Variants in BRI3BP observed in about 807,000 individuals in gnomAD.
BRI3BP encodes BRI3-binding protein.
BRI3BP carries 7 observed loss-of-function variants against 15.8 expected under a neutral mutation model. The observed-to-expected ratio is 0.44, with a 90% CI of 0.25 to 0.83. The LOEUF (loss-of-function observed/expected upper bound fraction) is 0.83. Ranked by LOEUF, BRI3BP falls within the 40% of genes least tolerant of loss-of-function variation. BRI3BP has a pLI of 0.20. For synonymous variants in BRI3BP, 192 were observed against 163.5 expected (o/e 1.17, Z -1.33); for missense variants, 320 against 339.3 (o/e 0.94, Z 0.45).
chr12:125,007,811 A>G lies in BRI3BP; in HGVS notation c.214-4723A>G, dbSNP rs370361556. Among the ~76,000 whole-genome samples the G allele has an allele frequency of 1.2e-4, 18 of 151,908 alleles. 1 individual carries two copies. The highest frequency in any genetic ancestry group is 4.3e-4 in the African/African-American group (18 of 41,430). ...TTTCTCGATGTTGCTGGATATGTCCATCGTTGTTTTTGTTGCTGTGGAATT... is the reference window on the plus strand; with the variant it reads ...TTTCTCGATGTTGCTGGATATGTCCGTCGTTGTTTTTGTTGCTGTGGAATT... On this transcript the variant is annotated intron_variant, in intron 1 of 2. Transcript: ENST00000341446.
At chr12:125,021,658 T>C (rs930350531) in intron 2 of BRI3BP, among the ~76,000 whole-genome samples, 2 of 152,178 alleles carry the variant, frequency 1.3e-5, no homozygotes, top group Non-Finnish European at 2.9e-5. Flanking sequence ...CTTGTAATCA[T>C]GGCGGAAGGC....
intron 2 of BRI3BP, among the ~76,000 whole-genome samples, chr12:125,018,381 G>GCC (rs1205752187): frequency 6.6e-6 from 1 of 152,176 alleles, no homozygotes; most frequent in Non-Finnish European, 1.5e-5. Flanking sequence ...GGTGTCATTT[G>GCC]TTAAGATGAG....
chr12:125,008,299 C>CTTTTT (rs55697100), intron 1 of BRI3BP, among the ~76,000 whole-genome samples: 5 of 99,926 alleles, frequency 5.0e-5, no homozygotes, highest in Non-Finnish European at 7.4e-5. Context: ...CCTCTTCTTT[C>CTTTTT]TTTTTTTTTT....
the BRI3BP span, among the ~76,000 whole-genome samples, chr12:125,041,525 C>A: frequency 1.3e-5 from 2 of 152,038 alleles, no homozygotes; most frequent in South Asian, 2.1e-4. Context: ...TGAAACCCTG[C>A]TGGCAAAGGC....
downstream of BRI3BP, among the ~76,000 whole-genome samples, chr12:125,035,860 T>G (rs1955437045): frequency 6.6e-6 from 1 of 152,068 alleles, no homozygotes; most frequent in Non-Finnish European, 1.5e-5. Context: ...TTGTGGAAAT[T>G]TTATGAATTA....
chr12:125,019,926 T>C (rs1028511386), intron 2 of BRI3BP, among the ~76,000 whole-genome samples: 7 of 151,034 alleles, frequency 4.6e-5, no homozygotes, highest in Admixed American at 3.3e-4. Context: ...CAAAATTCCA[T>C]AGACTGTGTG....
At chr12:125,006,696 C>T (rs1187563730) in intron 1 of BRI3BP, among the ~76,000 whole-genome samples, 2 of 152,214 alleles carry the variant, frequency 1.3e-5, no homozygotes, top group Admixed American at 6.5e-5. Flanking sequence ...ACAGGTTCTG[C>T]TCTTGAATCC....
rs1594539818 is a variant in BRI3BP at position 125,026,041 on chromosome 12, T to C, written c.*611T>C. ...GCTGCAGGATGCAACTCAACCTCTT[T>C]TGGATCCTAGAGACCCCTGCCAAGC... On this transcript the variant is annotated 3_prime_UTR_variant, in exon 3 of 3. Coordinates refer to ENST00000341446, the MANE Select transcript of BRI3BP (RefSeq NM_080626.6). 1 of 152,214 alleles carries C rather than the reference T, an allele frequency of 6.6e-6. No homozygotes were observed. Among genetic ancestry groups the C allele is most frequent in the South Asian group, 2.1e-4 (1 of 4,828 alleles). The allele number at this position is 152,214 out of a possible 1,614,324, so 9.4% of individuals were successfully genotyped here.
chr12:125,000,982 A>G (rs11057967), intron 1 of BRI3BP, among the ~76,000 whole-genome samples: 9,180 of 152,264 alleles, frequency 0.06, 412 homozygotes, highest in Admixed American at 0.14. Flanking sequence ...TCATGCATTT[A>G]GTGTTCATGT....
At chr12:124,997,245 T>G (rs1000973031) in intron 1 of BRI3BP, among the ~76,000 whole-genome samples, 1 of 118,926 alleles carries the variant, frequency 8.4e-6, no homozygotes, top group African/African-American at 3.4e-5. Flanking sequence ...AGATGCAGTC[T>G]CGCTTCTTCT....
chr12:125,002,930 G>A (rs1254418877), intron 1 of BRI3BP, among the ~76,000 whole-genome samples: 4 of 152,220 alleles, frequency 2.6e-5, no homozygotes, highest in Non-Finnish European at 5.9e-5. Flanking sequence ...TCGCATTCTC[G>A]TTGGTTGACG....
At chr12:125,004,304 G>A (rs1442124561) in intron 1 of BRI3BP, among the ~76,000 whole-genome samples, 2 of 152,062 alleles carry the variant, frequency 1.3e-5, no homozygotes, top group South Asian at 2.1e-4. Context: ...CGAGTAGCTG[G>A]AACCACAGGT....
At chr12:125,000,576 T>C (rs1955082321) in intron 1 of BRI3BP, among the ~76,000 whole-genome samples, 1 of 151,998 alleles carries the variant, frequency 6.6e-6, no homozygotes, top group East Asian at 1.9e-4. Context: ...CCTCCCAAAG[T>C]GCTGGGATTA....
In BRI3BP at chr12:125,027,635, A is replaced by C. The variant is rs1359152681; in HGVS notation, c.*2205A>C. On this transcript the variant is annotated 3_prime_UTR_variant, in exon 3 of 3. Transcript: ENST00000341446. ...CAGTCAGCTGAGATCATACCACCAC[A>C]CTCTAGCCTCAGCAACAGAGTGAGA... 1 of 151,738 alleles carries C rather than the reference A, an allele frequency of 6.6e-6. No homozygotes were observed. Among genetic ancestry groups the C allele is most frequent in the East Asian group, 1.9e-4 (1 of 5,142 alleles). 9.4% of individuals were successfully genotyped at this position (151,738 alleles called of 1,614,324 possible). A position where few individuals can be genotyped will look rare whatever the true frequency, so the allele number is the denominator to read the frequency against.
At chr12:125,001,086 GCT>G (rs34198999) in intron 1 of BRI3BP, among the ~76,000 whole-genome samples, 9,140 of 151,716 alleles carry the variant, frequency 0.06, 403 homozygotes, top group Admixed American at 0.14. Flanking sequence ...ACGGAGTCTT[GCT>G]CTGTCACCCA....
intron 2 of BRI3BP, among the ~76,000 whole-genome samples, chr12:125,014,484 C>T (rs554527460): frequency 8.5e-5 from 13 of 152,298 alleles, no homozygotes; most frequent in South Asian, 4.1e-4. Flanking sequence ...GGAAAAGGTG[C>T]GCGAATTCCC....
intron 1 of BRI3BP, among the ~76,000 whole-genome samples, chr12:125,004,923 G>GCAA (rs1345916629): frequency 1.3e-5 from 2 of 152,116 alleles, no homozygotes; most frequent in African/African-American, 4.8e-5. Flanking sequence ...TCTGCTCACT[G>GCAA]CAACCTCTGC....
intron 2 of BRI3BP, among the ~76,000 whole-genome samples, chr12:125,018,667 T>G (rs1955267789): frequency 6.6e-6 from 1 of 151,120 alleles, no homozygotes; most frequent in Non-Finnish European, 1.5e-5. Flanking sequence ...AATAAACTTC[T>G]GTTCTTTTTT....
At chr12:125,013,122 C>T (rs1263498821) in intron 2 of BRI3BP, among the ~76,000 whole-genome samples, 2 of 151,860 alleles carry the variant, frequency 1.3e-5, no homozygotes, top group East Asian at 3.9e-4. Flanking sequence ...CCCATCAAAG[C>T]TGAGATTTCC....
Sources: allele counts gnomAD v4.1 joint callset (sites outside exome capture counted in the v4.1 genomes callset), GRCh38; gene constraint gnomAD v4.1.1; transcripts MANE v1.5; gene names NCBI Gene and HGNC (gene_info 2026-07-23, HGNC 2026-07-21).